Variants in EBLN1 observed in about 807,000 individuals in gnomAD.
EBLN1 encodes endogenous Bornavirus-like nucleoprotein 1.
EBLN1 carries 1 observed loss-of-function variant against 0.8 expected under a neutral mutation model. The ratio of observed to expected loss-of-function variants is 1.32; its 90% confidence interval spans 0.47 to 6.26. The LOEUF (loss-of-function observed/expected upper bound fraction) is 6.26. Among genes scored for constraint, EBLN1 ranks in the 30% most tolerant of loss-of-function variants. The pLI is 0.15. For missense variants in EBLN1, 396 were observed against 447.9 expected (o/e 0.88, Z 1.05); for synonymous variants, 158 against 158.5 (o/e 1.00, Z 0.02).
Position 22,213,656 on chromosome 10 carries a change from G to A in EBLN1, c.-168-691C>T, listed in dbSNP as rs554507143. On this transcript the variant is annotated intron_variant, in intron 1 of 2. Coordinates refer to ENST00000422359, the MANE Select transcript of EBLN1 (RefSeq NM_001394757.1). ...TTGCATAAAATGAGTACAACACTTG[G>A]CTGAGCTTTTTCGAAAAACTATAAC... 1.5e-3 allele frequency among the ~76,000 whole-genome samples: 225 copies of A among 152,248 alleles called. 1 individual carries two copies. Among genetic ancestry groups the A allele is most frequent in the African/African-American group, 5.3e-3 (222 of 41,534 alleles).
chr10:22,217,491 C>A (rs1834801748), intron 1 of EBLN1, among the ~76,000 whole-genome samples: 1 of 152,336 alleles, frequency 6.6e-6, no homozygotes, highest in East Asian at 1.9e-4. Flanking sequence ...ATATCCTCTG[C>A]TTTTTCTGTA....
Position 22,208,720 on chromosome 10 carries a change from G to T in EBLN1, c.*163C>A. The T allele has an allele frequency of 1.2e-6, 1 of 804,150 alleles. No homozygotes were observed. The highest frequency in any genetic ancestry group is 1.8e-6 in the Non-Finnish European group (1 of 561,954). The allele number at this position is 804,150 out of a possible 1,614,324, so 49.8% of individuals were successfully genotyped here. On this transcript the variant is annotated 3_prime_UTR_variant, in exon 3 of 3. Coordinates refer to ENST00000422359, the MANE Select transcript of EBLN1 (RefSeq NM_001394757.1). The stretch of plus-strand genomic sequence containing the variant: ...CATCTTTCAGTGGCCAGAGAATATT[G>T]GATGGACTCTTTTAAAGAATAAAAG...
chr10:22,216,185 T>C (rs1834791087), intron 1 of EBLN1, among the ~76,000 whole-genome samples: 2 of 152,070 alleles, frequency 1.3e-5, no homozygotes, highest in South Asian at 2.1e-4. Context: ...TCTATGATTT[T>C]TTTTTTTACC....
intron 2 of EBLN1, among the ~76,000 whole-genome samples, chr10:22,210,772 T>C (rs1006267919): frequency 2.6e-5 from 4 of 152,170 alleles, no homozygotes; most frequent in African/African-American, 9.7e-5. Context: ...TATCAAATCA[T>C]TGTGTCAACC....
chr10:22,209,217 G>A lies in EBLN1; in HGVS notation c.767C>T (p.Ala256Val), dbSNP rs1426478287. 3 of 1,543,062 alleles carry A rather than the reference G, an allele frequency of 1.9e-6. No homozygotes were observed. The highest frequency in any genetic ancestry group is 2.6e-6 in the Non-Finnish European group (3 of 1,150,970). The part of the protein sequence containing the change: ...QCVDGSTALP[A>V]VVLEIPVFEQ... ...AAAAACTGGAATCTCCAACACAACA[G>A]CGGGTAAAGCAGTGGAACCATCCAC... Residue 256 changes from alanine to valine, a missense_variant, in exon 3 of 3, where the codon GCT (alanine) becomes GTT (valine). Physicochemically the swap from Ala to Val is moderately conservative, Grantham distance 64. Coordinates refer to ENST00000422359, the MANE Select transcript of EBLN1 (RefSeq NM_001394757.1).
chr10:22,216,298 C>G (rs1414522490), intron 1 of EBLN1, among the ~76,000 whole-genome samples: 1 of 152,098 alleles, frequency 6.6e-6, no homozygotes, highest in Non-Finnish European at 1.5e-5. Context: ...TTAGTGATAA[C>G]ATACCCCTCA....
In EBLN1 at chr10:22,209,056, T is replaced by G. The variant is rs1195622776; in HGVS notation, c.928A>C (p.Lys310Gln). 6.5e-7 allele frequency: 1 copy of G among 1,536,610 alleles called. No individual in the cohort carries two copies. The highest frequency in any genetic ancestry group is 2.4e-5 in the East Asian group (1 of 40,920). The change falls in exon 3 of 3, where the codon AAA becomes CAA. Residue 310 changes from lysine (K) to glutamine (Q), a missense_variant. Physicochemically the swap from Lys to Gln is moderately conservative, Grantham distance 53. Transcript: ENST00000422359. Reference protein sequence around the residue: ...NLATAANYWAKRRNSTFSGFE... With the variant: ...NLATAANYWAQRRNSTFSGFE... ...CCAGAAAATGTGGAATTCCTTCTTT[T>G]GGCCCAGTAGTTTGCTGCTGTTGCT... is the stretch of plus-strand genomic sequence containing the variant.
In EBLN1 at chr10:22,208,871, T is replaced by C; in HGVS notation, c.*12A>G. 1 of 1,511,178 alleles carries C rather than the reference T, an allele frequency of 6.6e-7. No individual in the cohort carries two copies. Among genetic ancestry groups the C allele is most frequent in the Non-Finnish European group, 8.8e-7 (1 of 1,135,768 alleles). 93.6% of individuals were successfully genotyped at this position (1,511,178 alleles called of 1,614,324 possible). ...TTTTATATGTATATATAAGGATTAG[T>C]TCACGTATTTGTTATTCAAATCCCG... On this transcript the variant is annotated 3_prime_UTR_variant, in exon 3 of 3. Coordinates refer to ENST00000422359, the MANE Select transcript of EBLN1 (RefSeq NM_001394757.1).
At chr10:22,212,382 C>G (rs1266355908) in intron 2 of EBLN1, among the ~76,000 whole-genome samples, 1 of 152,088 alleles carries the variant, frequency 6.6e-6, no homozygotes, top group East Asian at 1.9e-4. Flanking sequence ...AATTTGATCC[C>G]TTATCTTATA....
At chr10:22,210,299 G>A (rs891633074) in intron 2 of EBLN1, among the ~76,000 whole-genome samples, 2 of 151,958 alleles carry the variant, frequency 1.3e-5, no homozygotes, top group African/African-American at 2.4e-5. Context: ...CACTCATTTC[G>A]AGCACAAAAT....
Position 22,209,260 on chromosome 10 carries a change from T to C in EBLN1, c.724A>G (p.Met242Val), listed in dbSNP as rs756197746. Residue 242 changes from methionine to valine, a missense_variant, in exon 3 of 3, where the codon ATG becomes GTG. Met to Val is a conservative substitution (Grantham distance 21). Coordinates refer to ENST00000422359, the MANE Select transcript of EBLN1 (RefSeq NM_001394757.1). ...CCATCCACACACTGATCCAGGAACATTCTCACAGTGTAGTAGGTCATCATC... is the reference window on the plus strand; with the variant it reads ...CCATCCACACACTGATCCAGGAACACTCTCACAGTGTAGTAGGTCATCATC... ...AQMMTYYTVRMFLDQCVDGST... is the reference protein window; with the variant it reads ...AQMMTYYTVRVFLDQCVDGST... The C allele has an allele frequency of 6.3e-7, 1 of 1,576,074 alleles. No homozygotes were observed. Among genetic ancestry groups the C allele is most frequent in the Non-Finnish European group, 8.6e-7 (1 of 1,168,512 alleles).
Position 22,209,283 on chromosome 10 carries a change from A to C in EBLN1, c.701T>G (p.Met234Arg). ...CATTCTCACAGTGTAGTAGGTCATC[A>C]TCTGTGCTTTGCTGGCAACTACTTT... ...QVKVVASKAQMMTYYTVRMFL... is the reference protein window; with the variant it reads ...QVKVVASKAQRMTYYTVRMFL... The change falls in exon 3 of 3, where the codon ATG (methionine) becomes AGG (arginine). Residue 234 changes from methionine to arginine, a missense_variant. Met to Arg is a moderately conservative substitution (Grantham distance 91). Transcript: ENST00000422359. 1.9e-6 allele frequency: 3 copies of C among 1,593,166 alleles called. No homozygotes were observed. The highest frequency in any genetic ancestry group is 2.5e-6 in the Non-Finnish European group (3 of 1,176,922).
At chr10:22,211,560 T>A (rs1432286490) in intron 2 of EBLN1, among the ~76,000 whole-genome samples, 1 of 152,098 alleles carries the variant, frequency 6.6e-6, no homozygotes, top group African/African-American at 2.4e-5. Context: ...TGGCGCAATC[T>A]CAACTCACAG....
At chr10:22,213,767 C>A (rs1247993531) in intron 1 of EBLN1, among the ~76,000 whole-genome samples, 1 of 152,118 alleles carries the variant, frequency 6.6e-6, no homozygotes, top group Non-Finnish European at 1.5e-5. Context: ...GCATTTCATG[C>A]AAGCACAATG....
chr10:22,215,289 G>C (rs1227243999), intron 1 of EBLN1, among the ~76,000 whole-genome samples: 1 of 152,098 alleles, frequency 6.6e-6, no homozygotes, highest in African/African-American at 2.4e-5. Flanking sequence ...CGGGTGAATG[G>C]TATGGTGTGT....
At position 22,208,925 on chromosome 10, in the gene EBLN1, T is replaced by G. The variant is rs1834717528; in HGVS notation, c.1059A>C (p.Thr353=). The stretch of plus-strand genomic sequence containing the variant: ...TCCCATAACCGCGAAGGATGTTAAG[T>G]GTATATGGATCCATGTCACTTCCTC... ...ISRGSDMDPY[T]LNILRGYGIS... The change falls in exon 3 of 3, where the codon ACA becomes ACC. Residue 353 remains threonine, a synonymous_variant. Coordinates refer to ENST00000422359, the MANE Select transcript of EBLN1 (RefSeq NM_001394757.1). 4.6e-6 allele frequency: 7 copies of G among 1,535,506 alleles called. No individual in the cohort carries two copies. The highest frequency in any genetic ancestry group is 6.1e-6 in the Non-Finnish European group (7 of 1,146,886).
chr10:22,208,910 G>A lies in EBLN1; in HGVS notation c.1074C>T (p.Arg358=), dbSNP rs57562594. The A allele has an allele frequency of 0.026, 40,451 of 1,531,334 alleles. 1,527 individuals are homozygous for A. Among genetic ancestry groups the A allele is most frequent in the African/African-American group, 0.17 (12,672 of 72,928 alleles). The allele number at this position is 1,531,334 out of a possible 1,614,324, so 94.9% of individuals were successfully genotyped here. The change falls in exon 3 of 3, where the codon CGC becomes CGT. Residue 358 remains arginine, a synonymous_variant. Coordinates refer to ENST00000422359, the MANE Select transcript of EBLN1 (RefSeq NM_001394757.1). ...ATTCAAATCCCGAAATCCCATAACC[G>A]CGAAGGATGTTAAGTGTATATGGAT... ...DMDPYTLNIL[R]GYGISGFE
Position 22,209,451 on chromosome 10 carries a change from C to T in EBLN1, c.533G>A (p.Ser178Asn). The T allele has an allele frequency of 6.3e-7, 1 of 1,598,682 alleles. No individual in the cohort carries two copies. The highest frequency in any genetic ancestry group is 1.1e-5 in the South Asian group (1 of 90,972). Residue 178 changes from serine (S) to asparagine (N), a missense_variant, in exon 3 of 3, where the codon AGT becomes AAT. Physicochemically the swap from Ser to Asn is conservative, Grantham distance 46 (BLOSUM62 1). Transcript: ENST00000422359. ...GCTAATTAATAAATCAGCACTTTCA[C>T]TATGCAAAGGTCTTCCAATGGATAT... Reference protein sequence around the residue: ...MMISIGRPLHSESADLLISYN... With the variant: ...MMISIGRPLHNESADLLISYN...
At chr10:22,217,578 T>C (rs1834802557) in intron 1 of EBLN1, among the ~76,000 whole-genome samples, 1 of 152,198 alleles carries the variant, frequency 6.6e-6, no homozygotes, top group South Asian at 2.1e-4. Flanking sequence ...TTTATCTTCC[T>C]TGGTATACGC....
Sources: allele counts gnomAD v4.1 joint callset (sites outside exome capture counted in the v4.1 genomes callset), GRCh38; gene constraint gnomAD v4.1.1; transcripts MANE v1.5; gene names NCBI Gene and HGNC (gene_info 2026-07-23, HGNC 2026-07-21).